Variants in FAR1 observed in about 807,000 individuals in gnomAD.
FAR1 encodes fatty acyl-CoA reductase 1, also known as male sterility domain-containing protein 2.
Under a neutral mutation model 61.1 loss-of-function variants are expected in FAR1, and 22 were observed. The ratio of observed to expected loss-of-function variants is 0.36; its 90% CI spans 0.26 to 0.51. The LOEUF (loss-of-function observed/expected upper bound fraction) is 0.51. Ranked by LOEUF, FAR1 falls within the 20% of genes least tolerant of loss-of-function variation. The pLI, the probability that FAR1 is intolerant of heterozygous loss-of-function variation, is 0.95. For synonymous variants in FAR1, 206 were observed against 209.7 expected (o/e 0.98, Z 0.15); for missense variants, 359 against 626.9 (o/e 0.57, Z 4.56).
chr11:13,717,974 A>G (rs1848572937), intron 9 of FAR1, among the ~76,000 whole-genome samples: 1 of 152,114 alleles, frequency 6.6e-6, no homozygotes, highest in Non-Finnish European at 1.5e-5. Context: ...TTTTCAAGGA[A>G]TCCAGCCTAT....
chr11:13,725,724 T>C (rs1848661781), intron 10 of FAR1, among the ~76,000 whole-genome samples: 1 of 152,132 alleles, frequency 6.6e-6, no homozygotes, highest in African/African-American at 2.4e-5. Flanking sequence ...TCATTTTGTA[T>C]CTTATCTTTT....
At chr11:13,720,579 T>G (rs1194595457) in intron 9 of FAR1, 3 of 152,158 alleles carry the variant, frequency 2.0e-5, no homozygotes, top group African/African-American at 7.2e-5. Context: ...TCCAGTATTC[T>G]GGATTCAGAG....
rs1480598797 is a variant in FAR1 at position 13,730,211 on chromosome 11, TG to T, written c.*1439del. On this transcript the variant is annotated 3_prime_UTR_variant, in exon 12 of 12. Coordinates refer to ENST00000354817, the MANE Select transcript of FAR1 (RefSeq NM_032228.6). The stretch of plus-strand genomic sequence containing the variant: ...ACAGTTCGCAATACAAAAAGTTACA[TG>T]GAGCTTTACATCTTAACTTTCTTTG... 2 of 151,034 alleles carry T rather than the reference TG, an allele frequency of 1.3e-5. No homozygotes were observed. Among genetic ancestry groups the T allele is most frequent in the Non-Finnish European group, 3.0e-5 (2 of 67,336 alleles). 9.4% of individuals were successfully genotyped at this position (151,034 alleles called of 1,614,324 possible). A position where few individuals can be genotyped will look rare whatever the true frequency, so the allele number is the denominator to read the frequency against.
At chr11:13,714,428 A>G (rs1330327529) in intron 8 of FAR1, 81 bp from the exon 9 acceptor site, 1 of 1,364,672 alleles carries the variant, frequency 7.3e-7, no homozygotes, top group Non-Finnish European at 9.9e-7. Flanking sequence ...AATATTTTGC[A>G]TTATAAAAAC....
rs1417323486 is a variant in FAR1, at chr11:13,728,908, A to G, written c.*134A>G. On this transcript the variant is annotated 3_prime_UTR_variant, in exon 12 of 12. Transcript: ENST00000354817. ...ATCGGAGTGTGAAGTAAATTATGGTATATTTTATGTAACATTTTAATGTTT... is the reference window on the plus strand; with the variant it reads ...ATCGGAGTGTGAAGTAAATTATGGTGTATTTTATGTAACATTTTAATGTTT... 3.8e-6 allele frequency: 3 copies of G among 779,342 alleles called. No individual in the cohort carries two copies. Among genetic ancestry groups the G allele is most frequent in the African/African-American group, 3.5e-5 (2 of 57,422 alleles). The allele number at this position is 779,342 out of a possible 1,614,324, so 48.3% of individuals were successfully genotyped here.
chr11:13,703,168 G>GTTTGTTTTTGTTTTTGTT (rs79020181), intron 3 of FAR1, among the ~76,000 whole-genome samples: 1 of 151,686 alleles, frequency 6.6e-6, no homozygotes, highest in Non-Finnish European at 1.5e-5. Context: ...AAGAATTACT[G>GTTTGTTTTTGTTTTTGTT]TTTGTTTTTG....
chr11:13,711,056 G>A, intron 5 of FAR1, 186 bp downstream of exon 5: 2 of 538,868 alleles, frequency 3.7e-6, no homozygotes, highest in East Asian at 3.3e-5. Context: ...TGTGACGCTG[G>A]GTATATAGAA....
intron 7 of FAR1, among the ~76,000 whole-genome samples, chr11:13,712,525 ACC>A (rs1206700008): frequency 1.3e-5 from 2 of 152,112 alleles, no homozygotes; most frequent in East Asian, 3.9e-4. Flanking sequence ...GTAGTAAACT[ACC>A]CTTATTTTTG....
rs745414373 is a variant in FAR1, at chr11:13,727,691, TGATGCATG to T, written c.1385+12_1385+19del. ...CAGAAAACATCTGAACAAGTGAGTT[TGATGCATG>T]GATTTGATTGCTTCTTGTCTTCCTT... On this transcript the variant is annotated intron_variant, in intron 11 of 11. Coordinates refer to ENST00000354817, the MANE Select transcript of FAR1 (RefSeq NM_032228.6). 8 of 1,593,224 alleles carry T rather than the reference TGATGCATG, an allele frequency of 5.0e-6. No individual in the cohort carries two copies. In the East Asian group the frequency reaches 1.6e-4, roughly 31 times the overall value.
Position 13,713,130 on chromosome 11 carries a change from C to T in FAR1, c.955+97C>T, listed in dbSNP as rs369935770. 33 of 978,410 alleles carry T rather than the reference C, an allele frequency of 3.4e-5. No homozygotes were observed. The East Asian group carries it at 6.0e-4, about 18-fold the overall frequency. 60.6% of individuals were successfully genotyped at this position (978,410 alleles called of 1,614,324 possible). A position where few individuals can be genotyped will look rare whatever the true frequency, so the allele number is the denominator to read the frequency against. On this transcript the variant is annotated intron_variant, in intron 8 of 11. Coordinates refer to ENST00000354817, the MANE Select transcript of FAR1 (RefSeq NM_032228.6). ...TAGAATACCTATGAGGCATTAAGGC[C>T]ACTGAGTTACCAATTTGTTCTTAAT...
rs1848605291 is a variant in FAR1 at position 13,721,030 on chromosome 11, G to A, written c.1128-700G>A. ...CAAAGAATCACAGTCTTTCTTTAAAGACACACTTTAAAAAGAGTGTCACAC... is the reference window on the plus strand; with the variant it reads ...CAAAGAATCACAGTCTTTCTTTAAAAACACACTTTAAAAAGAGTGTCACAC... On this transcript the variant is annotated intron_variant, in intron 9 of 11. Coordinates refer to ENST00000354817, the MANE Select transcript of FAR1 (RefSeq NM_032228.6). This position sits in a 1 kb window ranked among gnomAD's most constrained non-coding sequence, Gnocchi z 4.2. 1 of 152,182 alleles carries A rather than the reference G, an allele frequency of 6.6e-6. No homozygotes were observed. The highest frequency in any genetic ancestry group is 1.9e-4 in the East Asian group (1 of 5,176). The allele number at this position is 152,182 out of a possible 1,614,324, so 9.4% of individuals were successfully genotyped here. A position where few individuals can be genotyped will look rare whatever the true frequency, so the allele number is the denominator to read the frequency against.
intron 3 of FAR1, 138 bp downstream of exon 3, chr11:13,700,630 C>T (rs890917797): frequency 1.3e-5 from 6 of 458,552 alleles, no homozygotes; most frequent in African/African-American, 1.1e-4. Flanking sequence ...TTTCAGTGTC[C>T]TACAGAGTGT....
intron 3 of FAR1, 86 bp from the exon 4 acceptor site, chr11:13,707,814 C>G (rs1848450338): frequency 3.0e-6 from 3 of 1,002,502 alleles, no homozygotes; most frequent in Non-Finnish European, 4.1e-6. Context: ...CTCTGTCTCT[C>G]TACTTCTCTA....
Position 13,713,047 on chromosome 11 carries a change from T to G in FAR1, c.955+14T>G. 1 of 1,606,964 alleles carries G rather than the reference T, an allele frequency of 6.2e-7. No individual in the cohort carries two copies. The highest frequency in any genetic ancestry group is 8.5e-7 in the Non-Finnish European group (1 of 1,173,612). Reference sequence around the variant, plus strand: ...GGGGTGAAGTTGGTATGATTTTACCTGTGTTTTTGAATGTTAGAATAAATC... The same window carrying G: ...GGGGTGAAGTTGGTATGATTTTACCGGTGTTTTTGAATGTTAGAATAAATC... On this transcript the variant is annotated intron_variant, in intron 8 of 11. Coordinates refer to ENST00000354817, the MANE Select transcript of FAR1 (RefSeq NM_032228.6).
intron 10 of FAR1, among the ~76,000 whole-genome samples, chr11:13,723,193 A>G (rs1469194248): frequency 1.3e-5 from 2 of 151,708 alleles, no homozygotes; most frequent in African/African-American, 2.4e-5. Context: ...AGCGAGACCC[A>G]TCTCCACAAA....
At chr11:13,725,443 TAAAAA>T (rs36122577) in intron 10 of FAR1, among the ~76,000 whole-genome samples, 2 of 137,274 alleles carry the variant, frequency 1.5e-5, no homozygotes, top group African/African-American at 5.5e-5. Context: ...TTAAAAATAG[TAAAAA>T]AAAAAAAAAA....
At chr11:13,719,516 T>C (rs980133308) in intron 9 of FAR1, among the ~76,000 whole-genome samples, 1 of 152,226 alleles carries the variant, frequency 6.6e-6, no homozygotes, top group Non-Finnish European at 1.5e-5. Context: ...TTTACTTGTT[T>C]ACATAATAAT....
Position 13,728,741 on chromosome 11 carries a change from A to T in FAR1, c.1515A>T (p.Ser505=). The T allele has an allele frequency of 2.5e-6, 4 of 1,612,124 alleles. No individual in the cohort carries two copies. Among genetic ancestry groups the T allele is most frequent in the Non-Finnish European group, 3.4e-6 (4 of 1,178,586 alleles). ...FVVSLCYKFL[S]YFRASSTMRY ...TTAGTCTGTGTTACAAGTTTTTGTC[A>T]TACTTCCGAGCATCCAGCACTATGA... Residue 505 remains serine (S), a synonymous_variant, in exon 12 of 12, where the codon TCA becomes TCT. Transcript: ENST00000354817.
In FAR1 at chr11:13,707,956, A is replaced by T. The variant is rs1848452316; in HGVS notation, c.422A>T (p.Gln141Leu). The T allele has an allele frequency of 1.9e-6, 3 of 1,604,410 alleles. No individual in the cohort carries two copies. In the East Asian group the frequency reaches 6.8e-5, roughly 36 times the overall value. The change falls in exon 4 of 12, where the codon CAA (glutamine) becomes CTA (leucine). Residue 141 changes from glutamine (Q) to leucine (L), a missense_variant. By Grantham distance (113) the Gln-to-Leu change is moderately radical. This residue lies in a region of FAR1 where 344 missense variants were observed against 570.3 expected (regional missense o/e 0.60). Transcript: ENST00000354817. ...CGACAGCTTATTCTCCTTGCACAAC[A>T]AATGAAGAATCTGGAAGTGTTCATG... The part of the protein sequence containing the change: ...ATRQLILLAQ[Q>L]MKNLEVFMHV...
Sources: allele counts gnomAD v4.1 joint callset (sites outside exome capture counted in the v4.1 genomes callset), GRCh38; gene constraint gnomAD v4.1.1; regional missense constraint gnomAD v4.1.1; non-coding constraint Gnocchi (gnomAD v3.1); transcripts MANE v1.5; gene names NCBI Gene and HGNC (gene_info 2026-07-23, HGNC 2026-07-21).